Variants in NRG3 observed in about 807,000 individuals in gnomAD.
NRG3 encodes pro-neuregulin-3, membrane-bound isoform.
A neutral mutation model predicts 66.9 loss-of-function variants in NRG3; 31 were observed. The observed-to-expected ratio is 0.46, with a 90% CI of 0.35 to 0.63. The LOEUF (loss-of-function observed/expected upper bound fraction) is 0.63. Among genes scored for constraint, NRG3 ranks in the 20% least tolerant of loss-of-function variants. The pLI, the probability that NRG3 is intolerant of heterozygous loss-of-function variation, is 0.00. For missense variants in NRG3, 910 were observed against 878.9 expected, an observed-to-expected ratio of 1.04 and a Z score of -0.45; for synonymous variants, 393 against 359.4, an observed-to-expected ratio of 1.09 and a Z score of -1.06.
intron 3 of NRG3, among the ~76,000 whole-genome samples, chr10:82,762,480 A>G (rs2059368665): frequency 6.6e-6 from 1 of 152,194 alleles, no homozygotes; most frequent in South Asian, 2.1e-4. Context: ...ATTGAATAAG[A>G]CACACAAATG....
At chr10:82,752,485 T>A (rs2058908253) in intron 3 of NRG3, among the ~76,000 whole-genome samples, 1 of 152,180 alleles carries the variant, frequency 6.6e-6, no homozygotes, top group African/African-American at 2.4e-5. Flanking sequence ...CATCTAGCAA[T>A]GATCTAGCTT....
chr10:82,840,093 T>C (rs2062982702), intron 3 of NRG3, among the ~76,000 whole-genome samples: 1 of 152,170 alleles, frequency 6.6e-6, no homozygotes, highest in Admixed American at 6.6e-5. Flanking sequence ...CCTATATCTG[T>C]ATAAAAAACA....
rs199531519 is a variant in NRG3 at position 82,135,121 on chromosome 10, CAAA to C, written c.824-223603_824-223601del. 4.5e-4 allele frequency among the ~76,000 whole-genome samples: 38 copies of C among 84,168 alleles called. No homozygotes were observed. In the East Asian group the frequency reaches 5.5e-3, roughly 12 times the overall value. The allele number at this position is 84,168 out of a possible 152,430, so 55.2% of individuals were successfully genotyped here. On this transcript the variant is annotated intron_variant, in intron 1 of 8. Transcript: ENST00000372141. ...AACCAGTGTGAGTGGGACTCCCTCT[CAAA>C]AAAAAAAAAAAAAATTCCATATGAA...
At chr10:82,970,960 T>A (rs1405315557) in intron 6 of NRG3, among the ~76,000 whole-genome samples, 2 of 152,170 alleles carry the variant, frequency 1.3e-5, no homozygotes, top group Non-Finnish European at 2.9e-5. Context: ...CACAGTTCTG[T>A]AGGCTGTACA....
At chr10:82,325,714 C>T (rs767924675) in intron 1 of NRG3, among the ~76,000 whole-genome samples, 1 of 151,636 alleles carries the variant, frequency 6.6e-6, no homozygotes, top group African/African-American at 2.4e-5. Context: ...TTAGTATATA[C>T]CTCTAGCTTT....
In NRG3 at chr10:82,582,662, T is replaced by TTGTGTGTGTG. The variant is rs141112949; in HGVS notation, c.954-155887_954-155878dup. Among the ~76,000 whole-genome samples, 464 of 146,472 alleles carry TTGTGTGTGTG rather than the reference T, an allele frequency of 3.2e-3. 1 individual carries two copies. Among genetic ancestry groups the TTGTGTGTGTG allele is most frequent in the South Asian group, 7.7e-3 (35 of 4,540 alleles). On this transcript the variant is annotated intron_variant, in intron 2 of 8. Coordinates refer to ENST00000372141, the MANE Select transcript of NRG3 (RefSeq NM_001010848.4). ...GAAGAGGGAAAAATATCTATATGTG[T>TTGTGTGTGTG]TGTGTGTGTGTGTGTGTGTGTGTGT... is the stretch of plus-strand genomic sequence containing the variant.
intron 2 of NRG3, among the ~76,000 whole-genome samples, chr10:82,459,151 C>G (rs2091403991): frequency 6.6e-6 from 1 of 152,162 alleles, no homozygotes; most frequent in Non-Finnish European, 1.5e-5. Context: ...TTGTTTAGTT[C>G]TTGGCATGCT....
chr10:82,256,334 CA>C (rs1466360018), intron 1 of NRG3, among the ~76,000 whole-genome samples: 1 of 152,180 alleles, frequency 6.6e-6, no homozygotes, highest in East Asian at 1.9e-4. Flanking sequence ...TTCTTTCCCC[CA>C]AATCGATGCC....
At chr10:82,862,012 A>C (rs1002563206) in intron 3 of NRG3, among the ~76,000 whole-genome samples, 3 of 152,166 alleles carry the variant, frequency 2.0e-5, no homozygotes, top group Non-Finnish European at 2.9e-5. Flanking sequence ...GAAGCTTCCT[A>C]TTTGCATAAG....
intron 1 of NRG3, among the ~76,000 whole-genome samples, chr10:82,183,877 C>A (rs2073615029): frequency 6.6e-6 from 1 of 152,100 alleles, no homozygotes; most frequent in Non-Finnish European, 1.5e-5. Flanking sequence ...ATGGTTATCT[C>A]CTCCGCAAGA....
intron 1 of NRG3, among the ~76,000 whole-genome samples, chr10:82,130,200 T>A (rs890726911): frequency 6.6e-6 from 1 of 151,858 alleles, no homozygotes; most frequent in African/African-American, 2.4e-5. Context: ...TTAGACTATA[T>A]GTATGTATCA....
rs749038864 is a variant in NRG3 at position 81,875,535 on chromosome 10, G to A, written c.195G>A (p.Thr65=). ...SDCIVWNRQQ[T]WLCVVPLFIG... ...GCATCGTGTGGAACCGGCAGCAGAC[G>A]TGGCTGTGCGTGGTACCTCTGTTCA... The change falls in exon 1 of 9, where the codon ACG becomes ACA. Residue 65 remains threonine (T), a synonymous_variant. Transcript: ENST00000372141. This position sits in a 1 kb window ranked among gnomAD's most constrained non-coding sequence, Gnocchi z 5.3. 1 of 1,612,314 alleles carries A rather than the reference G, an allele frequency of 6.2e-7. No individual in the cohort carries two copies. The highest frequency in any genetic ancestry group is 1.6e-4 in the Middle Eastern group (1 of 6,078).
intron 1 of NRG3, among the ~76,000 whole-genome samples, chr10:81,995,813 A>C (rs2060918197): frequency 6.6e-6 from 1 of 152,226 alleles, no homozygotes; most frequent in South Asian, 2.1e-4. Context: ...CTGGTTCTTC[A>C]TCAGTACCTT....
intron 2 of NRG3, among the ~76,000 whole-genome samples, chr10:82,402,395 G>GA (rs1273382702): frequency 1.3e-5 from 2 of 152,074 alleles, no homozygotes; most frequent in African/African-American, 4.8e-5. Context: ...GAGTTTGGGG[G>GA]AAAAAACAAG....
intron 2 of NRG3, among the ~76,000 whole-genome samples, chr10:82,438,712 A>G (rs935683301): frequency 6.6e-6 from 1 of 152,164 alleles, no homozygotes; most frequent in South Asian, 2.1e-4. Flanking sequence ...CAGTTCCGTG[A>G]AAAAAGCAGA....
At chr10:82,017,966 G>T (rs1420007810) in intron 1 of NRG3, among the ~76,000 whole-genome samples, 1 of 152,102 alleles carries the variant, frequency 6.6e-6, no homozygotes, top group East Asian at 1.9e-4. Flanking sequence ...TGTCAATTGT[G>T]GCTTTTTTTG....
chr10:82,562,401 G>A (rs1003133646), intron 2 of NRG3, among the ~76,000 whole-genome samples: 1 of 152,034 alleles, frequency 6.6e-6, no homozygotes, highest in African/African-American at 2.4e-5. Flanking sequence ...TTATTTTGTT[G>A]AAAGGTCTTT....
intron 1 of NRG3, among the ~76,000 whole-genome samples, chr10:82,070,642 T>C (rs1340779367): frequency 6.6e-6 from 1 of 152,062 alleles, no homozygotes; most frequent in African/African-American, 2.4e-5. Context: ...TAAAAGCTCA[T>C]AGTTTAGTAA....
At chr10:82,632,357 C>T (rs538268324) in intron 2 of NRG3, among the ~76,000 whole-genome samples, 7 of 152,208 alleles carry the variant, frequency 4.6e-5, no homozygotes, top group African/African-American at 1.4e-4. Context: ...TCTCCCAGGC[C>T]CCTGATATTA....
Sources: gnomAD v4.1 joint callset for allele counts (sites outside exome capture counted in the v4.1 genomes callset) on GRCh38, gnomAD v4.1.1 for gene constraint, Gnocchi (gnomAD v3.1) non-coding constraint, MANE v1.5 for transcripts, NCBI Gene and HGNC (gene_info 2026-07-23, HGNC 2026-07-21) for gene names.